KPNA7: variants seen among roughly 807,000 people sequenced by gnomAD.
KPNA7 encodes the protein importin subunit alpha-8.
Under a neutral mutation model 53.7 loss-of-function variants are expected in KPNA7, and 54 were observed. The observed-to-expected ratio is 1.01, with a 90% CI of 0.81 to 1.26. KPNA7 has a LOEUF of 1.26. KPNA7 is among the 50% of genes most tolerant of loss of function. The pLI, the probability that KPNA7 is intolerant of heterozygous loss-of-function variation, is 0.00. For missense variants in KPNA7, 640 were observed against 644.5 expected, an observed-to-expected ratio of 0.99 and a Z score of 0.07; for synonymous variants, 276 against 259.3, an observed-to-expected ratio of 1.06 and a Z score of -0.62.
chr7:99,175,949 C>T (rs1798882582), intron 10 of KPNA7, among the ~76,000 whole-genome samples: 1 of 152,110 alleles, frequency 6.6e-6, no homozygotes, highest in Non-Finnish European at 1.5e-5. Flanking sequence ...ACTCTGTAAA[C>T]TCCTAGCCCC....
intron 1 of KPNA7, among the ~76,000 whole-genome samples, chr7:99,214,236 C>T (rs535041093): frequency 4.6e-5 from 7 of 151,188 alleles, no homozygotes; most frequent in Admixed American, 2.6e-4. Context: ...TTGAGATCAT[C>T]CTTGGCCAAT....
chr7:99,152,341 G>A, the KPNA7 span, among the ~76,000 whole-genome samples: 3 of 144,374 alleles, frequency 2.1e-5, no homozygotes, highest in South Asian at 6.5e-4. Context: ...CCGACAGAGC[G>A]AGAGAGACTC....
chr7:99,160,315 G>A, the KPNA7 span, among the ~76,000 whole-genome samples: 6 of 151,962 alleles, frequency 3.9e-5, no homozygotes, highest in Non-Finnish European at 5.9e-5. Context: ...CGTGAGCCAC[G>A]CACCCGGCCT....
the KPNA7 span, among the ~76,000 whole-genome samples, chr7:99,158,189 C>CT: frequency 6.6e-6 from 1 of 151,750 alleles, no homozygotes; most frequent in Non-Finnish European, 1.5e-5. Flanking sequence ...CCAACTGGAT[C>CT]TTTTTTTTAA....
chr7:99,151,306 TG>T, the KPNA7 span, among the ~76,000 whole-genome samples: 2 of 152,308 alleles, frequency 1.3e-5, no homozygotes, highest in Non-Finnish European at 2.9e-5. Context: ...GTCCATAGAA[TG>T]GCTTTAAGAT....
chr7:99,193,608 C>T (rs1040151179), intron 5 of KPNA7, among the ~76,000 whole-genome samples: 2 of 152,130 alleles, frequency 1.3e-5, no homozygotes, highest in Non-Finnish European at 2.9e-5. Context: ...GCCTACTTTA[C>T]TGCACCAAGC....
intron 8 of KPNA7, among the ~76,000 whole-genome samples, chr7:99,184,359 C>G (rs572042246): frequency 6.6e-6 from 1 of 152,018 alleles, no homozygotes; most frequent in East Asian, 1.9e-4. Context: ...GAAAGAGTTT[C>G]GCCACATTGC....
intron 7 of KPNA7, among the ~76,000 whole-genome samples, chr7:99,187,842 A>G (rs1317572312): frequency 4.3e-5 from 6 of 139,184 alleles, no homozygotes; most frequent in African/African-American, 1.3e-4. Flanking sequence ...AAAACCCACT[A>G]GGATTTGACA....
the KPNA7 span, among the ~76,000 whole-genome samples, chr7:99,155,157 T>G: frequency 3.3e-4 from 51 of 152,340 alleles, no homozygotes; most frequent in African/African-American, 1.2e-3. Context: ...CACTTCCCTC[T>G]TCCTGCCTCC....
Position 99,193,093 on chromosome 7 carries a change from G to A in KPNA7, c.562C>T (p.Pro188Ser). The change falls in exon 6 of 11, where the codon CCA (proline) becomes TCA (serine). Residue 188 changes from proline to serine, a missense_variant. Coordinates refer to ENST00000327442, the MANE Select transcript of KPNA7 (RefSeq NM_001145715.3). ...GTGATGACGTTATCTCTGAACTCTG[G>A]GCCATCACCTACAAATAGAGCAGAA... ...WALGNIAGDG[P>S]EFRDNVITSN... The A allele has an allele frequency of 2.0e-6, 3 of 1,492,696 alleles. No homozygotes were observed. Among genetic ancestry groups the A allele is most frequent in the South Asian group, 2.7e-5 (2 of 72,814 alleles). 92.5% of individuals were successfully genotyped at this position (1,492,696 alleles called of 1,614,324 possible).
At position 99,208,014 on chromosome 7, in the gene KPNA7, C is replaced by T. The variant is rs986850324; in HGVS notation, c.-24+14G>A. Among the ~76,000 whole-genome samples the T allele has an allele frequency of 9.9e-5, 15 of 152,116 alleles. No individual in the cohort carries two copies. The highest frequency in any genetic ancestry group is 3.6e-4 in the African/African-American group (15 of 41,514). On this transcript the variant is annotated intron_variant, in intron 1 of 10. Transcript: ENST00000327442. Reference sequence around the variant, plus strand: ...CACAGCACAGACTCCCCGTCCCCAACCCTTGGGCTCAACCTGGCAGCAAGA... The same window carrying T: ...CACAGCACAGACTCCCCGTCCCCAATCCTTGGGCTCAACCTGGCAGCAAGA...
In KPNA7 at chr7:99,173,805, G is replaced by A; in HGVS notation, c.1465-11C>T. ...GCTCTCATCTTCTTCCTTCAGGAGA[G>A]AATAGACACTGTTATACCTCCAGGA... is the stretch of plus-strand genomic sequence containing the variant. On this transcript the variant is annotated splice_polypyrimidine_tract_variant and intron_variant, in intron 10 of 10. Transcript: ENST00000327442. 2 of 1,468,132 alleles carry A rather than the reference G, an allele frequency of 1.4e-6. No individual in the cohort carries two copies. The highest frequency in any genetic ancestry group is 1.7e-4 in the Middle Eastern group (1 of 5,824). The allele number at this position is 1,468,132 out of a possible 1,614,324, so 90.9% of individuals were successfully genotyped here. A position where few individuals can be genotyped will look rare whatever the true frequency, so the allele number is the denominator to read the frequency against.
the KPNA7 span, among the ~76,000 whole-genome samples, chr7:99,162,084 T>C: frequency 3.3e-5 from 5 of 150,182 alleles, no homozygotes; most frequent in African/African-American, 9.8e-5. Context: ...TTGCTCTTGT[T>C]GCCCAGGCTG....
At chr7:99,207,358 T>A in intron 2 of KPNA7, 43 bp downstream of exon 2, 1 of 1,521,288 alleles carries the variant, frequency 6.6e-7, no homozygotes, top group Non-Finnish European at 8.9e-7. Context: ...TTATGCAGAT[T>A]GCACTGGTCC....
At chr7:99,200,583 C>T (rs1381817758) in intron 3 of KPNA7, among the ~76,000 whole-genome samples, 3 of 152,142 alleles carry the variant, frequency 2.0e-5, no homozygotes, top group Non-Finnish European at 4.4e-5. Context: ...CTCAGTGGAA[C>T]TGAAGACACC....
chr7:99,148,895 G>GTT, the KPNA7 span, among the ~76,000 whole-genome samples: 848 of 112,552 alleles, frequency 7.5e-3, 20 homozygotes, highest in Non-Finnish European at 0.011. Context: ...CCCAAGAACC[G>GTT]TTTTTTTTTT....
the KPNA7 span, among the ~76,000 whole-genome samples, chr7:99,162,881 G>A: frequency 0.92 from 139,796 of 151,534 alleles, 64,554 homozygotes; most frequent in East Asian, 1. Context: ...CAGATTCTTT[G>A]AAAAAAAGTA....
intron 7 of KPNA7, among the ~76,000 whole-genome samples, chr7:99,185,721 C>T (rs987990604): frequency 3.3e-5 from 5 of 152,120 alleles, no homozygotes; most frequent in South Asian, 4.1e-4. Context: ...ATACCTTTAT[C>T]GAGAAATGCT....
At chr7:99,148,545 A>G in the KPNA7 span, among the ~76,000 whole-genome samples, 1 of 152,086 alleles carries the variant, frequency 6.6e-6, no homozygotes, top group Non-Finnish European at 1.5e-5. Context: ...ATCACCTGAA[A>G]CCAATTTATG....
Sources: gnomAD v4.1 joint callset for allele counts (sites outside exome capture counted in the v4.1 genomes callset) on GRCh38, gnomAD v4.1.1 for gene constraint, MANE v1.5 for transcripts, NCBI Gene and HGNC (gene_info 2026-07-23, HGNC 2026-07-21) for gene names.